PRR16: variants seen among roughly 807,000 people sequenced by gnomAD.
PRR16 encodes protein Largen.
A neutral mutation model predicts 18.2 loss-of-function variants in PRR16; 6 were observed. The observed-to-expected ratio is 0.33, with a 90% CI of 0.18 to 0.65. The LOEUF is 0.65. Ranked by LOEUF, PRR16 falls within the 30% of genes least tolerant of loss-of-function variation. The pLI is 0.74. For synonymous variants in PRR16, 151 were observed against 147.8 expected (o/e 1.02, Z -0.16); for missense variants, 412 against 376.6 (o/e 1.09, Z -0.78).
At chr5:120,781,011 C>CT in the PRR16 span, among the ~76,000 whole-genome samples, 6 of 152,168 alleles carry the variant, frequency 3.9e-5, no homozygotes, top group Admixed American at 2.6e-4. Context: ...GATCGCGCCA[C>CT]TGCCCTTCAG....
chr5:120,650,330 C>CT (rs910123646), intron 1 of PRR16, among the ~76,000 whole-genome samples: 33 of 145,610 alleles, frequency 2.3e-4, no homozygotes, highest in East Asian at 9.9e-4. Flanking sequence ...TTTCTTTTTT[C>CT]TTTTTTTTTT....
chr5:120,520,928 G>A (rs1751154761), intron 1 of PRR16, among the ~76,000 whole-genome samples: 2 of 151,752 alleles, frequency 1.3e-5, no homozygotes, highest in Admixed American at 6.6e-5. Context: ...CAGCATCATA[G>A]GTCATGGTCC....
chr5:120,764,524 G>A, the PRR16 span, among the ~76,000 whole-genome samples: 1 of 151,928 alleles, frequency 6.6e-6, no homozygotes, highest in East Asian at 1.9e-4. Context: ...TTATCGCTGT[G>A]TGTTCCTGTC....
In PRR16 at chr5:120,465,262, T is replaced by A. The variant is rs116550415; in HGVS notation, c.159+617T>A. Among the ~76,000 whole-genome samples the A allele has an allele frequency of 7.5e-3, 1,135 of 152,300 alleles. 20 individuals are homozygous for A. Among genetic ancestry groups the A allele is most frequent in the African/African-American group, 0.026 (1,070 of 41,568 alleles). On this transcript the variant is annotated intron_variant, in intron 1 of 1. Transcript: ENST00000407149. ...TCTCACTTTCTCAGTTTCTGAAGCA[T>A]CCCCTGCTCTCCTCCGAACGTCGTT...
the PRR16 span, among the ~76,000 whole-genome samples, chr5:120,725,784 C>A: frequency 6.6e-6 from 1 of 151,788 alleles, no homozygotes; most frequent in African/African-American, 2.4e-5. Context: ...AGCTTAGGGT[C>A]CTAAAAAATA....
intron 1 of PRR16, among the ~76,000 whole-genome samples, chr5:120,656,581 A>G (rs149791327): frequency 2.8e-4 from 42 of 152,050 alleles, no homozygotes; most frequent in African/African-American, 9.9e-4. Context: ...TAGTTGTGAC[A>G]AAAAATATGC....
At chr5:120,535,404 T>C (rs1306551119) in intron 1 of PRR16, among the ~76,000 whole-genome samples, 1 of 152,206 alleles carries the variant, frequency 6.6e-6, no homozygotes, top group Non-Finnish European at 1.5e-5. Flanking sequence ...TAGTAATTTG[T>C]ATACATGATG....
chr5:120,716,343 C>T, the PRR16 span, among the ~76,000 whole-genome samples: 3 of 152,086 alleles, frequency 2.0e-5, no homozygotes, highest in African/African-American at 4.8e-5. Context: ...GTTTTTAACT[C>T]TTCTCATTTT....
chr5:120,704,636 T>C, the PRR16 span, among the ~76,000 whole-genome samples: 1 of 152,172 alleles, frequency 6.6e-6, no homozygotes, highest in Non-Finnish European at 1.5e-5. Context: ...TCAGAATCAC[T>C]TGGGAAGCTT....
intron 1 of PRR16, among the ~76,000 whole-genome samples, chr5:120,467,096 C>A (rs966964736): frequency 2.6e-5 from 4 of 152,148 alleles, no homozygotes; most frequent in Non-Finnish European, 5.9e-5. Context: ...TGTGAGTGAA[C>A]ATGTCTTTGG....
intron 1 of PRR16, among the ~76,000 whole-genome samples, chr5:120,496,644 G>T (rs986816834): frequency 1.2e-4 from 18 of 149,032 alleles, no homozygotes; most frequent in Non-Finnish European, 1.9e-4. Context: ...ATTTTTTTTT[G>T]AAGAAAAAGG....
chr5:120,761,967 T>C, the PRR16 span, among the ~76,000 whole-genome samples: 1 of 152,170 alleles, frequency 6.6e-6, no homozygotes, highest in South Asian at 2.1e-4. Context: ...AGCGAAAATA[T>C]GCAATGTTCA....
intron 1 of PRR16, among the ~76,000 whole-genome samples, chr5:120,652,388 A>G (rs561954049): frequency 2.0e-5 from 3 of 152,224 alleles, no homozygotes; most frequent in Admixed American, 6.6e-5. Flanking sequence ...TTCTTCCAAA[A>G]AGTACAGTAG....
chr5:120,637,340 A>AAC (rs1755268146), intron 1 of PRR16, among the ~76,000 whole-genome samples: 1 of 150,696 alleles, frequency 6.6e-6, no homozygotes, highest in Non-Finnish European at 1.5e-5. Flanking sequence ...AAAAAAAAAA[A>AAC]AAACTTGCAC....
At chr5:120,737,734 A>T in the PRR16 span, among the ~76,000 whole-genome samples, 1 of 150,312 alleles carries the variant, frequency 6.7e-6, no homozygotes, top group Non-Finnish European at 1.5e-5. Flanking sequence ...CCAGTACGGG[A>T]TTATTTTGTT....
chr5:120,619,370 T>G (rs1463095643), intron 1 of PRR16, among the ~76,000 whole-genome samples: 1 of 152,120 alleles, frequency 6.6e-6, no homozygotes. Context: ...GGAAAAATAA[T>G]AGTATGGAAT....
intron 1 of PRR16, among the ~76,000 whole-genome samples, chr5:120,509,432 T>C (rs761995417): frequency 3.9e-5 from 6 of 152,130 alleles, no homozygotes; most frequent in Non-Finnish European, 8.8e-5. Context: ...TTGGGTATAG[T>C]CACATGCTAG....
At chr5:120,722,288 ACT>A in the PRR16 span, among the ~76,000 whole-genome samples, 1 of 151,854 alleles carries the variant, frequency 6.6e-6, no homozygotes, top group African/African-American at 2.4e-5. Context: ...AAAAGAAAAG[ACT>A]CTGATACTAT....
chr5:120,667,431 G>A (rs1210120724), intron 1 of PRR16, among the ~76,000 whole-genome samples: 1 of 151,942 alleles, frequency 6.6e-6, no homozygotes, highest in Admixed American at 6.6e-5. Context: ...ATTTTTTGAA[G>A]CGTTTTTTGT....
Sources: gnomAD v4.1 joint callset for allele counts (sites outside exome capture counted in the v4.1 genomes callset) on GRCh38, gnomAD v4.1.1 for gene constraint, MANE v1.5 for transcripts, NCBI Gene and HGNC (gene_info 2026-07-23, HGNC 2026-07-21) for gene names.